Variants in ARSB observed in about 807,000 individuals in gnomAD.
The protein encoded by ARSB is N-acetylgalactosamine-4-sulfatase.
A neutral mutation model predicts 50.9 loss-of-function variants in ARSB; 41 were observed. The observed-to-expected ratio is 0.81, with a 90% CI of 0.63 to 1.04. The LOEUF is 1.04. Ranked by LOEUF, ARSB falls within the 50% of genes least tolerant of loss-of-function variation. The probability of loss-of-function intolerance (pLI) is 0.00; values close to 1 mark genes in which losing one functional copy is unlikely to be tolerated. For synonymous variants in ARSB, 269 were observed against 284.8 expected (o/e 0.94, Z 0.56); for missense variants, 672 against 693.3 (o/e 0.97, Z 0.35).
chr5:78,854,795 T>C (rs78179502), intron 5 of ARSB, among the ~76,000 whole-genome samples: 429 of 152,374 alleles, frequency 2.8e-3, no homozygotes, highest in Non-Finnish European at 4.8e-3. Context: ...AGTTTTTACT[T>C]GTCTGGGAGA....
At chr5:78,862,339 G>A (rs1746484325) in intron 5 of ARSB, among the ~76,000 whole-genome samples, 1 of 152,146 alleles carries the variant, frequency 6.6e-6, no homozygotes, top group African/African-American at 2.4e-5. Context: ...AAAGCTGGAG[G>A]CATCACGCTA....
intron 4 of ARSB, among the ~76,000 whole-genome samples, chr5:78,931,247 A>AT (rs1228320689): frequency 1.3e-5 from 2 of 151,936 alleles, no homozygotes; most frequent in African/African-American, 2.4e-5. Context: ...ACCAACTTTC[A>AT]TTTTTTTTCT....
At chr5:78,786,800 T>TG in intron 6 of ARSB, among the ~76,000 whole-genome samples, 2 of 152,190 alleles carry the variant, frequency 1.3e-5, no homozygotes, top group Middle Eastern at 6.8e-3. Context: ...TTTATAGAGA[T>TG]GGGGGTCTTG....
At chr5:78,891,695 C>G (rs1237648295) in intron 4 of ARSB, among the ~76,000 whole-genome samples, 1 of 152,140 alleles carries the variant, frequency 6.6e-6, no homozygotes, top group African/African-American at 2.4e-5. Flanking sequence ...GCACAGGGAG[C>G]AGGAGGCCTT....
chr5:78,984,914 C>T, intron 1 of ARSB, 23 bp downstream of exon 1: 2 of 1,305,988 alleles, frequency 1.5e-6, no homozygotes, highest in Non-Finnish European at 1.9e-6. Flanking sequence ...GGGGGCGGCG[C>T]GGGCGGCGGG....
At chr5:78,809,936 C>G (rs981470143) in intron 6 of ARSB, among the ~76,000 whole-genome samples, 4 of 152,210 alleles carry the variant, frequency 2.6e-5, no homozygotes, top group Non-Finnish European at 5.9e-5. Context: ...GTAGACTGCA[C>G]AAGCAGGACC....
intron 5 of ARSB, among the ~76,000 whole-genome samples, chr5:78,847,958 A>G (rs1745525149): frequency 6.6e-6 from 1 of 151,996 alleles, no homozygotes; most frequent in Non-Finnish European, 1.5e-5. Context: ...TTCTTGATTC[A>G]TCTAGCTAAT....
intron 2 of ARSB, among the ~76,000 whole-genome samples, chr5:78,967,913 A>G (rs1160913169): frequency 6.6e-6 from 1 of 152,192 alleles, no homozygotes; most frequent in East Asian, 1.9e-4. Flanking sequence ...CTAAACAGAT[A>G]GCTCACTATA....
At chr5:78,811,870 G>GA (rs1185232018) in intron 6 of ARSB, among the ~76,000 whole-genome samples, 1 of 151,664 alleles carries the variant, frequency 6.6e-6, no homozygotes, top group Admixed American at 6.6e-5. Context: ...ACTTAATATT[G>GA]AAAAAACACT....
chr5:78,846,093 T>C (rs569321318), intron 5 of ARSB, among the ~76,000 whole-genome samples: 1 of 152,338 alleles, frequency 6.6e-6, no homozygotes, highest in African/African-American at 2.4e-5. Context: ...TTCATTTTTA[T>C]GCATGTGGAT....
chr5:78,823,946 C>T (rs889395539), intron 6 of ARSB, among the ~76,000 whole-genome samples: 1 of 151,586 alleles, frequency 6.6e-6, no homozygotes, highest in Non-Finnish European at 1.5e-5. Context: ...ATGTGATCCC[C>T]AATGTTGGAG....
chr5:78,807,889 C>A (rs917464887), intron 6 of ARSB, among the ~76,000 whole-genome samples: 2 of 151,546 alleles, frequency 1.3e-5, no homozygotes, highest in African/African-American at 4.8e-5. Context: ...GTCAGGAGAT[C>A]GAGACCATCC....
intron 4 of ARSB, among the ~76,000 whole-genome samples, chr5:78,896,501 G>T (rs1748566382): frequency 6.6e-6 from 1 of 152,226 alleles, no homozygotes; most frequent in Non-Finnish European, 1.5e-5. Flanking sequence ...TATATTCTTT[G>T]CAGATCTAAG....
chr5:78,887,084 A>C (rs1402542356), intron 4 of ARSB, among the ~76,000 whole-genome samples: 1 of 152,212 alleles, frequency 6.6e-6, no homozygotes, highest in African/African-American at 2.4e-5. Context: ...GGAAATAACA[A>C]TCACTAATTG....
In ARSB at chr5:78,915,254, C is replaced by A. The variant is rs886822385; in HGVS notation, c.899-29427G>T. On this transcript the variant is annotated intron_variant, in intron 4 of 7. Transcript: ENST00000264914. ...AAGAACTACTGCTGCCACCTCTAAT[C>A]AATTAAAATTGACACAATTTCTAGG... Among the ~76,000 whole-genome samples, 3 of 151,778 alleles carry A rather than the reference C, an allele frequency of 2.0e-5. No homozygotes were observed. The South Asian group carries it at 6.2e-4, about 32-fold the overall frequency.
At chr5:78,809,171 C>T (rs529688999) in intron 6 of ARSB, among the ~76,000 whole-genome samples, 2 of 152,318 alleles carry the variant, frequency 1.3e-5, no homozygotes, top group South Asian at 4.1e-4. Context: ...GCTAGAGCTA[C>T]AGGTGCATAG....
rs543870655 is a variant in ARSB at position 78,779,077 on chromosome 5, T to C, written c.*1320A>G. Reference sequence around the variant, plus strand: ...AAAAATGAGTGCCTTCAGGCAGTGTTCCAAGCATTGGTGAACACAATGGTG... The same window carrying C: ...AAAAATGAGTGCCTTCAGGCAGTGTCCCAAGCATTGGTGAACACAATGGTG... On this transcript the variant is annotated 3_prime_UTR_variant, in exon 8 of 8. Coordinates refer to ENST00000264914, the MANE Select transcript of ARSB (RefSeq NM_000046.5). 1.3e-5 allele frequency: 2 copies of C among 152,152 alleles called. No homozygotes were observed. Among genetic ancestry groups the C allele is most frequent in the Non-Finnish European group, 2.9e-5 (2 of 68,020 alleles). 9.4% of individuals were successfully genotyped at this position (152,152 alleles called of 1,614,324 possible).
intron 4 of ARSB, among the ~76,000 whole-genome samples, chr5:78,899,723 T>C (rs1748717373): frequency 6.6e-6 from 1 of 152,222 alleles, no homozygotes; most frequent in South Asian, 2.1e-4. Context: ...AATTTCTGCT[T>C]TTCTGTATTA....
chr5:78,928,409 A>G (rs1280298050), intron 4 of ARSB, among the ~76,000 whole-genome samples: 1 of 126,562 alleles, frequency 7.9e-6, no homozygotes, highest in Non-Finnish European at 1.6e-5. Flanking sequence ...TCCGCCTCCC[A>G]GGTTCAAGCG....
Sources: gnomAD v4.1 joint callset for allele counts (sites outside exome capture counted in the v4.1 genomes callset) on GRCh38, gnomAD v4.1.1 for gene constraint, MANE v1.5 for transcripts, NCBI Gene and HGNC (gene_info 2026-07-23, HGNC 2026-07-21) for gene names.